Variants in TXNRD1 observed in about 807,000 individuals in gnomAD.
The protein encoded by TXNRD1 is thioredoxin reductase 1.
Under a neutral mutation model 80.3 loss-of-function variants are expected in TXNRD1, and 57 were observed. The observed-to-expected ratio is 0.71, with a 90% CI of 0.57 to 0.89. The LOEUF is 0.89. Among genes scored for constraint, TXNRD1 ranks in the 40% least tolerant of loss-of-function variants. The pLI, the probability that TXNRD1 is intolerant of heterozygous loss-of-function variation, is 0.00. For synonymous variants in TXNRD1, 291 were observed against 285.2 expected (o/e 1.02, Z -0.20); for missense variants, 730 against 803.0 (o/e 0.91, Z 1.10).
intron 4 of TXNRD1, among the ~76,000 whole-genome samples, chr12:104,307,452 G>A (rs2034963773): frequency 6.6e-6 from 1 of 152,102 alleles, no homozygotes; most frequent in South Asian, 2.1e-4. Flanking sequence ...TAACTTAAAG[G>A]GATTAATTCC....
chr12:104,228,301 C>CAAAA (rs11349965), intron 1 of TXNRD1, among the ~76,000 whole-genome samples: 4 of 116,376 alleles, frequency 3.4e-5, no homozygotes, highest in Non-Finnish European at 7.0e-5. Flanking sequence ...AACTCCATCT[C>CAAAA]AAAAAAAAAA....
intron 4 of TXNRD1, chr12:104,303,949 G>A (rs747997405): frequency 6.3e-7 from 1 of 1,598,836 alleles, no homozygotes; most frequent in Admixed American, 1.7e-5. Flanking sequence ...AGATGGATGT[G>A]TCAGTGAGGG....
At chr12:104,236,171 G>A (rs1458910588) in intron 1 of TXNRD1, among the ~76,000 whole-genome samples, 1 of 152,164 alleles carries the variant, frequency 6.6e-6, no homozygotes, top group Non-Finnish European at 1.5e-5. Context: ...ACTATAGACT[G>A]TAAATCCGAC....
chr12:104,344,597 A>C (rs2036434693), intron 16 of TXNRD1, among the ~76,000 whole-genome samples: 1 of 152,206 alleles, frequency 6.6e-6, no homozygotes, highest in Admixed American at 6.5e-5. Flanking sequence ...TGTTGAGAAC[A>C]TTCCATATCC....
In TXNRD1 at chr12:104,319,951, T is replaced by C. The variant is rs945611167; in HGVS notation, c.989+366T>C. On this transcript the variant is annotated intron_variant, in intron 9 of 16. Transcript: ENST00000525566. ...AATAGGTATGATACATATATACATT[T>C]AGATTTTGTAAAATGAGGATCATGT... 5.3e-5 allele frequency among the ~76,000 whole-genome samples: 8 copies of C among 152,248 alleles called. No individual in the cohort carries two copies. The South Asian group carries it at 8.3e-4, about 16-fold the overall frequency.
At chr12:104,313,136 G>T in intron 5 of TXNRD1, 109 bp from the exon 6 acceptor site, 2 of 753,332 alleles carry the variant, frequency 2.7e-6, no homozygotes, top group African/African-American at 1.8e-5. Flanking sequence ...TTAATTATTC[G>T]TTATGCTTTA....
chr12:104,304,023 T>A (rs1472845195), intron 4 of TXNRD1: 1 of 1,612,730 alleles, frequency 6.2e-7, no homozygotes, highest in Non-Finnish European at 8.5e-7. Flanking sequence ...CTCCTGGAGC[T>A]CACCGCTGAC....
chr12:104,216,508 C>T (rs577670873), intron 1 of TXNRD1, among the ~76,000 whole-genome samples: 7 of 152,324 alleles, frequency 4.6e-5, no homozygotes, highest in Non-Finnish European at 8.8e-5. Flanking sequence ...CTCCATTGTC[C>T]GGATAATGCC....
chr12:104,266,511 C>A (rs1241495862), intron 3 of TXNRD1, among the ~76,000 whole-genome samples: 9 of 104,816 alleles, frequency 8.6e-5, no homozygotes, highest in African/African-American at 3.1e-4. Context: ...GGTGACAGAG[C>A]GAGAATTCAT....
At chr12:104,249,744 G>A (rs2033072689) in intron 1 of TXNRD1, among the ~76,000 whole-genome samples, 1 of 151,872 alleles carries the variant, frequency 6.6e-6, no homozygotes, top group Admixed American at 6.6e-5. Context: ...GACCATCCTG[G>A]CTAACATGGT....
At chr12:104,240,748 GA>G (rs1330087115) in intron 1 of TXNRD1, among the ~76,000 whole-genome samples, 2 of 92,152 alleles carry the variant, frequency 2.2e-5, no homozygotes, top group East Asian at 6.5e-4. Context: ...TATCTTTGTG[GA>G]ATTTTTTTTT....
At chr12:104,256,636 G>A (rs1365316561) in intron 2 of TXNRD1, among the ~76,000 whole-genome samples, 1 of 151,974 alleles carries the variant, frequency 6.6e-6, no homozygotes, top group Non-Finnish European at 1.5e-5. Flanking sequence ...AAAATTGGCT[G>A]GGTGTGGTGG....
intron 4 of TXNRD1, among the ~76,000 whole-genome samples, chr12:104,300,740 T>G (rs887940354): frequency 1.3e-5 from 2 of 152,142 alleles, no homozygotes; most frequent in Admixed American, 1.3e-4. Flanking sequence ...GGTGCAATCT[T>G]GTCTCACCCG....
chr12:104,344,508 GT>G (rs1035019514), intron 16 of TXNRD1, among the ~76,000 whole-genome samples: 2 of 152,090 alleles, frequency 1.3e-5, no homozygotes, highest in African/African-American at 4.8e-5. Context: ...GCATAGTGAT[GT>G]TTTGAAACAC....
At chr12:104,271,893 G>A (rs995293869) in intron 3 of TXNRD1, among the ~76,000 whole-genome samples, 6 of 151,398 alleles carry the variant, frequency 4.0e-5, no homozygotes, top group African/African-American at 1.2e-4. Context: ...GTAGAAGAAA[G>A]AAAGATGTAT....
chr12:104,251,121 G>A (rs2033108863), intron 1 of TXNRD1, among the ~76,000 whole-genome samples: 1 of 152,210 alleles, frequency 6.6e-6, no homozygotes, highest in African/African-American at 2.4e-5. Flanking sequence ...CCCTATGTCT[G>A]TAAGCAGGGT....
chr12:104,245,517 CAAAAAAAAAAAA>C lies in TXNRD1; in HGVS notation c.92-5996_92-5985del, dbSNP rs10622971. On this transcript the variant is annotated intron_variant, in intron 1 of 16. Transcript: ENST00000525566. ...GGGCAACAAGAGCGAAACTCCATCT[CAAAAAAAAAAAA>C]AAAAAAAAAAAAAGAATACTGAGTT... is the stretch of plus-strand genomic sequence containing the variant. 1.4e-4 allele frequency among the ~76,000 whole-genome samples: 4 copies of C among 29,262 alleles called. No individual in the cohort carries two copies. In the East Asian group the frequency reaches 5.1e-3, roughly 38 times the overall value. 19.2% of individuals were successfully genotyped at this position (29,262 alleles called of 152,430 possible).
At chr12:104,289,803 T>A (rs1002259976) in intron 4 of TXNRD1, among the ~76,000 whole-genome samples, 1 of 152,032 alleles carries the variant, frequency 6.6e-6, no homozygotes, top group African/African-American at 2.4e-5. Context: ...CGTGATCTTG[T>A]ATCACTGCAA....
At chr12:104,324,076 T>C (rs1281634363) in intron 10 of TXNRD1, among the ~76,000 whole-genome samples, 1 of 152,122 alleles carries the variant, frequency 6.6e-6, no homozygotes, top group African/African-American at 2.4e-5. Flanking sequence ...AATATTGTTC[T>C]AGATACCAAA....
Sources: gnomAD v4.1 joint callset for allele counts (sites outside exome capture counted in the v4.1 genomes callset) on GRCh38, gnomAD v4.1.1 for gene constraint, MANE v1.5 for transcripts, NCBI Gene and HGNC (gene_info 2026-07-23, HGNC 2026-07-21) for gene names.